The following CACNA1C variants were observed in gnomAD, a reference collection of about 807,000 sequenced individuals.
CACNA1C encodes the protein voltage-dependent L-type calcium channel subunit alpha-1C.
Under a neutral mutation model 229.0 loss-of-function variants are expected in CACNA1C, and 30 were observed. That is an observed-to-expected ratio of 0.13 (90% CI 0.10 to 0.18). CACNA1C has a LOEUF of 0.18. Ranked by LOEUF, CACNA1C falls within the 10% of genes least tolerant of loss-of-function variation. The pLI is 1.00. For missense variants in CACNA1C, 1,658 were observed against 2,845.0 expected (o/e 0.58, Z 9.49); for synonymous variants, 1,114 against 1,132.5 (o/e 0.98, Z 0.33).
At chr12:2,171,301 T>C (rs1318943764) in intron 3 of CACNA1C, among the ~76,000 whole-genome samples, 1 of 152,078 alleles carries the variant, frequency 6.6e-6, no homozygotes, top group Non-Finnish European at 1.5e-5. Flanking sequence ...TGGACCTTTG[T>C]TCGCCTGAGT....
intron 3 of CACNA1C, among the ~76,000 whole-genome samples, chr12:2,414,596 C>A (rs1045360622): frequency 3.9e-5 from 6 of 152,148 alleles, no homozygotes; most frequent in Non-Finnish European, 7.4e-5. Context: ...AACAGCTATT[C>A]TGAGATTTTT....
At chr12:2,254,402 A>G (rs1292164248) in intron 3 of CACNA1C, among the ~76,000 whole-genome samples, 1 of 152,106 alleles carries the variant, frequency 6.6e-6, no homozygotes, top group Non-Finnish European at 1.5e-5. Context: ...CACATACTCC[A>G]GTCTGTTGTT....
chr12:2,161,022 A>G (rs1441978770), intron 3 of CACNA1C, among the ~76,000 whole-genome samples: 1 of 152,210 alleles, frequency 6.6e-6, no homozygotes, highest in Admixed American at 6.5e-5. Context: ...GGGTTTCACC[A>G]TGTTAGCCAG....
Position 2,401,868 on chromosome 12 carries a change from T to G in CACNA1C, c.478-47108T>G, listed in dbSNP as rs140177288. 1.8e-3 allele frequency among the ~76,000 whole-genome samples: 268 copies of G among 152,342 alleles called. 1 individual carries two copies. The highest frequency in any genetic ancestry group is 6.3e-3 in the African/African-American group (260 of 41,584). On this transcript the variant is annotated intron_variant, in intron 3 of 46. Coordinates refer to ENST00000399655, the MANE Select transcript of CACNA1C (RefSeq NM_000719.7). ...CACTATGTCCTCTCCTTTTGTACAC[T>G]TCTGAACACATCCACAATGAGAAGG...
intron 3 of CACNA1C, among the ~76,000 whole-genome samples, chr12:2,366,592 G>A (rs148021703): frequency 2.1e-3 from 315 of 152,180 alleles, no homozygotes; most frequent in African/African-American, 6.4e-3. Context: ...CTTTTAATAC[G>A]TATAAAGGTT....
intron 1 of CACNA1C, among the ~76,000 whole-genome samples, chr12:2,007,782 T>G (rs1427563285): frequency 6.6e-6 from 1 of 152,202 alleles, no homozygotes; most frequent in Non-Finnish European, 1.5e-5. Flanking sequence ...CCCATCTGTC[T>G]TCTTAGCTTG....
At chr12:2,588,676 C>T (rs1337250411) in intron 18 of CACNA1C, among the ~76,000 whole-genome samples, 1 of 152,206 alleles carries the variant, frequency 6.6e-6, no homozygotes, top group Non-Finnish European at 1.5e-5. Flanking sequence ...ATCTGAAAAG[C>T]TCGCCAGCTG....
At chr12:2,035,382 T>G (rs1292675521) in intron 1 of CACNA1C, among the ~76,000 whole-genome samples, 1 of 152,250 alleles carries the variant, frequency 6.6e-6, no homozygotes, top group Non-Finnish European at 1.5e-5. Context: ...GGGTTCTGTC[T>G]GCAAGAGGGG....
At chr12:2,179,422 T>C (rs1333813075) in intron 3 of CACNA1C, among the ~76,000 whole-genome samples, 1 of 152,196 alleles carries the variant, frequency 6.6e-6, no homozygotes, top group Non-Finnish European at 1.5e-5. Flanking sequence ...AACCTGTTAG[T>C]GGAGTTAGCA....
chr12:2,559,553 C>T (rs990204495), intron 11 of CACNA1C, among the ~76,000 whole-genome samples: 1 of 152,272 alleles, frequency 6.6e-6, no homozygotes, highest in Non-Finnish European at 1.5e-5. Context: ...CCCCTCAATA[C>T]ACCGCAGTAA....
chr12:2,372,808 T>C (rs1421954140), intron 3 of CACNA1C, among the ~76,000 whole-genome samples: 6 of 152,208 alleles, frequency 3.9e-5, no homozygotes, highest in Admixed American at 3.3e-4. Context: ...TGGTGAGAAG[T>C]CCTGTCAGCC....
chr12:2,058,368 A>G (rs12306853), intron 1 of CACNA1C, among the ~76,000 whole-genome samples: 3,842 of 152,298 alleles, frequency 0.025, 158 homozygotes, highest in African/African-American at 0.087. Flanking sequence ...ATTTTCCAAT[A>G]TGGACTACAG....
intron 3 of CACNA1C, among the ~76,000 whole-genome samples, chr12:2,146,842 G>T (rs1417223197): frequency 1.3e-5 from 2 of 150,908 alleles, no homozygotes; most frequent in Non-Finnish European, 3.0e-5. Flanking sequence ...AATCATCCAA[G>T]GTGAATGTCT....
rs2153709630 is a variant in CACNA1C, at chr12:2,665,693, A to G, written c.4511A>G (p.Tyr1504Cys). 10 of 1,613,088 alleles carry G rather than the reference A, an allele frequency of 6.2e-6. No homozygotes were observed. The highest frequency in any genetic ancestry group is 7.6e-6 in the Non-Finnish European group (9 of 1,179,360). The change falls in exon 36 of 47, where the codon TAT (tyrosine) becomes TGT (cysteine). Residue 1504 changes from tyrosine (Y) to cysteine (C), a missense_variant. Around this residue, in one of 20 missense-constraint regions of CACNA1C, gnomAD observed 151 missense variants for 344.4 expected, o/e 0.44. Coordinates refer to ENST00000399655, the MANE Select transcript of CACNA1C (RefSeq NM_000719.7). This position sits in a 1 kb window ranked among gnomAD's most constrained non-coding sequence, Gnocchi z 5.9. The stretch of plus-strand genomic sequence containing the variant: ...GAGTTTAAAAGAATCTGGGCAGAGT[A>G]TGACCCTGAAGCCAAGTAAGTTCCC... ...LDEFKRIWAEYDPEAKGRIKH... is the reference protein window; with the variant it reads ...LDEFKRIWAECDPEAKGRIKH...
intron 9 of CACNA1C, among the ~76,000 whole-genome samples, chr12:2,526,766 T>G (rs963053839): frequency 1.3e-5 from 2 of 152,232 alleles, no homozygotes; most frequent in African/African-American, 2.4e-5. Flanking sequence ...TACATGGCGC[T>G]GCAGAGAGCC....
intron 9 of CACNA1C, among the ~76,000 whole-genome samples, chr12:2,534,312 G>A (rs1313156658): frequency 6.6e-6 from 1 of 152,200 alleles, no homozygotes; most frequent in Non-Finnish European, 1.5e-5. Context: ...GTAGTTAGAT[G>A]GGTAGAGTGA....
chr12:2,114,504 A>T (rs1437008265), intron 1 of CACNA1C, among the ~76,000 whole-genome samples: 1 of 152,182 alleles, frequency 6.6e-6, no homozygotes, highest in Non-Finnish European at 1.5e-5. Flanking sequence ...ATGAAAAGGG[A>T]TGTCAGATAT....
intron 3 of CACNA1C, among the ~76,000 whole-genome samples, chr12:2,362,982 T>C (rs556707797): frequency 6.6e-6 from 1 of 152,344 alleles, no homozygotes; most frequent in South Asian, 2.1e-4. Flanking sequence ...ATCCTCCCAG[T>C]GGCCGTAACA....
chr12:1,996,791 C>G (rs2041031684), intron 1 of CACNA1C, among the ~76,000 whole-genome samples: 1 of 152,132 alleles, frequency 6.6e-6, no homozygotes, highest in Non-Finnish European at 1.5e-5. Context: ...CACAGCAGCC[C>G]ATTCATTGCT....
Sources: gnomAD v4.1 joint callset for allele counts (sites outside exome capture counted in the v4.1 genomes callset) on GRCh38, gnomAD v4.1.1 for gene constraint, gnomAD v4.1.1 regional missense constraint, Gnocchi (gnomAD v3.1) non-coding constraint, MANE v1.5 for transcripts, NCBI Gene and HGNC (gene_info 2026-07-23, HGNC 2026-07-21) for gene names.